Variants in MACC1 observed in about 807,000 individuals in gnomAD.
MACC1 encodes the protein metastasis-associated in colon cancer protein 1.
Under a neutral mutation model 70.7 loss-of-function variants are expected in MACC1, and 79 were observed. The observed-to-expected ratio is 1.12, with a 90% CI of 0.93 to 1.35. The LOEUF is 1.35. MACC1 is among the 40% of genes most tolerant of loss of function. MACC1 has a pLI of 0.00. For missense variants in MACC1, 1,106 were observed against 978.1 expected (o/e 1.13, Z -1.74); for synonymous variants, 361 against 347.2 (o/e 1.04, Z -0.44).
intron 1 of MACC1, among the ~76,000 whole-genome samples, chr7:20,181,389 C>T (rs1463721669): frequency 1.1e-4 from 16 of 151,844 alleles, no homozygotes; most frequent in Admixed American, 1.0e-3. Flanking sequence ...AAATATTATA[C>T]ATAAAATATT....
At chr7:20,192,559 C>T (rs994451279) in intron 1 of MACC1, among the ~76,000 whole-genome samples, 1 of 152,146 alleles carries the variant, frequency 6.6e-6, no homozygotes, top group Non-Finnish European at 1.5e-5. Flanking sequence ...ACCACTCCAT[C>T]TGGAGCCTAA....
At chr7:20,146,848 T>C (rs913748166) in intron 6 of MACC1, among the ~76,000 whole-genome samples, 1 of 152,230 alleles carries the variant, frequency 6.6e-6, no homozygotes, top group Non-Finnish European at 1.5e-5. Flanking sequence ...ATTTAATACA[T>C]AGGCTGCATT....
chr7:20,172,211 C>T (rs1782318779), intron 1 of MACC1, among the ~76,000 whole-genome samples: 1 of 152,142 alleles, frequency 6.6e-6, no homozygotes, highest in South Asian at 2.1e-4. Context: ...GAAAACACAG[C>T]TGCCCAAATG....
At chr7:20,162,560 A>G (rs1319303310) in intron 3 of MACC1, among the ~76,000 whole-genome samples, 3 of 152,164 alleles carry the variant, frequency 2.0e-5, no homozygotes, top group Non-Finnish European at 4.4e-5. Context: ...GGCTCTAAGT[A>G]AGACAACATG....
intron 1 of MACC1, among the ~76,000 whole-genome samples, chr7:20,195,734 G>T (rs1464359551): frequency 1.3e-5 from 2 of 152,160 alleles, no homozygotes; most frequent in Non-Finnish European, 2.9e-5. Context: ...TAGCTTCTGT[G>T]AGCTGGATGT....
intron 1 of MACC1, among the ~76,000 whole-genome samples, chr7:20,182,281 T>C (rs924230280): frequency 2.0e-5 from 3 of 151,980 alleles, no homozygotes; most frequent in African/African-American, 7.3e-5. Flanking sequence ...ACATGGCACA[T>C]GTATACATAT....
intron 2 of MACC1, among the ~76,000 whole-genome samples, chr7:20,167,965 C>G (rs960661404): frequency 6.6e-5 from 10 of 152,182 alleles, no homozygotes; most frequent in African/African-American, 2.2e-4. Flanking sequence ...GCAACCTTTA[C>G]TCTTCAGACC....
At chr7:20,150,243 G>A (rs191064433) in intron 6 of MACC1, among the ~76,000 whole-genome samples, 29 of 152,022 alleles carry the variant, frequency 1.9e-4, no homozygotes, top group Non-Finnish European at 2.8e-4. Context: ...TGTTTTTTAC[G>A]GCTCCTAAAC....
chr7:20,143,940 C>T (rs909696239), intron 6 of MACC1, among the ~76,000 whole-genome samples: 1 of 152,066 alleles, frequency 6.6e-6, no homozygotes, highest in Non-Finnish European at 1.5e-5. Context: ...AACAATAGGG[C>T]GTTGGTAAAC....
intron 5 of MACC1, among the ~76,000 whole-genome samples, chr7:20,157,784 A>G (rs977944345): frequency 3.3e-5 from 5 of 150,900 alleles, no homozygotes; most frequent in African/African-American, 1.2e-4. Context: ...AAAAAAAAAA[A>G]AAAAGAAAGA....
At chr7:20,155,343 T>C (rs28485599) in intron 5 of MACC1, among the ~76,000 whole-genome samples, 9 of 152,300 alleles carry the variant, frequency 5.9e-5, no homozygotes, top group African/African-American at 2.2e-4. Context: ...TTCCTATACA[T>C]ACACACCTAT....
chr7:20,213,321 T>C (rs1006451664), intron 1 of MACC1, among the ~76,000 whole-genome samples: 12 of 152,218 alleles, frequency 7.9e-5, no homozygotes, highest in African/African-American at 2.9e-4. Flanking sequence ...TTATATGCCA[T>C]TGGTGAGAGT....
intron 3 of MACC1, among the ~76,000 whole-genome samples, chr7:20,162,194 A>C (rs893407485): frequency 2.0e-5 from 3 of 152,112 alleles, no homozygotes; most frequent in Non-Finnish European, 4.4e-5. Context: ...GTAAATAAAC[A>C]TTTCCTGTTT....
chr7:20,210,531 G>A (rs972626273), intron 1 of MACC1, among the ~76,000 whole-genome samples: 16 of 152,146 alleles, frequency 1.1e-4, no homozygotes, highest in African/African-American at 2.9e-4. Context: ...CGCTACCTAC[G>A]TCACAGTGAC....
intron 1 of MACC1, among the ~76,000 whole-genome samples, chr7:20,180,942 G>A (rs1388178135): frequency 6.6e-6 from 1 of 151,942 alleles, no homozygotes; most frequent in Non-Finnish European, 1.5e-5. Flanking sequence ...TAGAAATAAA[G>A]GAAACTAAAA....
At chr7:20,189,414 T>C (rs924749781) in intron 1 of MACC1, among the ~76,000 whole-genome samples, 6 of 152,212 alleles carry the variant, frequency 3.9e-5, no homozygotes, top group African/African-American at 1.4e-4. Flanking sequence ...CAATAAATAA[T>C]TGTGGAATGA....
chr7:20,208,028 G>C (rs1450283850), intron 1 of MACC1, among the ~76,000 whole-genome samples: 1 of 152,150 alleles, frequency 6.6e-6, no homozygotes, highest in Admixed American at 6.5e-5. Context: ...ATAAGTGTCT[G>C]GCATTTCCCC....
rs150182551 is a variant in MACC1, at chr7:20,210,934, C to T, written c.-218+6365G>A. On this transcript the variant is annotated intron_variant, in intron 1 of 6. Coordinates refer to ENST00000400331, the MANE Select transcript of MACC1 (RefSeq NM_182762.4). ...TCCAGGGCTTAGTAAAGTTTAGTCA[C>T]CTGTAAGAATCATTTCCCAATCTTC... Among the ~76,000 whole-genome samples, 7 of 152,300 alleles carry T rather than the reference C, an allele frequency of 4.6e-5. No individual in the cohort carries two copies. In the East Asian group the frequency reaches 1.3e-3, roughly 29 times the overall value.
chr7:20,194,505 G>T (rs374431344), intron 1 of MACC1, among the ~76,000 whole-genome samples: 1 of 152,154 alleles, frequency 6.6e-6, no homozygotes. Flanking sequence ...AGGAGGCTTC[G>T]CTCCTTTCAT....
Sources: allele counts gnomAD v4.1 joint callset (sites outside exome capture counted in the v4.1 genomes callset), GRCh38; gene constraint gnomAD v4.1.1; transcripts MANE v1.5; gene names NCBI Gene and HGNC (gene_info 2026-07-23, HGNC 2026-07-21).